NRP2: variants seen among roughly 807,000 people sequenced by gnomAD.
NRP2 encodes neuropilin 2, also known as neuropilin-2.
In NRP2, 52 loss-of-function variants were observed where a neutral mutation model predicts 110.4. The observed-to-expected ratio is 0.47, with a 90% CI of 0.38 to 0.59. The LOEUF (loss-of-function observed/expected upper bound fraction) is 0.59, where lower values mean the gene tolerates loss of function less well. NRP2 is among the 20% of genes least tolerant of loss of function. NRP2 has a pLI of 0.00. For missense variants in NRP2, 1,049 were observed against 1,203.0 expected (o/e 0.87, Z 1.89); for synonymous variants, 508 against 468.9 (o/e 1.08, Z -1.08).
chr2:205,732,051 G>T (rs1460984691), intron 7 of NRP2, among the ~76,000 whole-genome samples: 1 of 152,164 alleles, frequency 6.6e-6, no homozygotes, highest in Non-Finnish European at 1.5e-5. Context: ...TCCACAATCC[G>T]CCCTAGGCCT....
At position 205,749,799 on chromosome 2, in the gene NRP2, G is replaced by C. The variant is rs746233197; in HGVS notation, c.1861G>C (p.Glu621Gln). The change falls in exon 11 of 17, where the codon GAG becomes CAG. Residue 621 changes from glutamate (E) to glutamine (Q), a missense_variant. By Grantham distance (29) the Glu-to-Gln change is conservative. Transcript: ENST00000357785. The stretch of plus-strand genomic sequence containing the variant: ...GACAACCACCCCCTACCCCACCGAA[G>C]AGGAGGCCACAGAGTGTGGGGAGAA... ...EETTTPYPTE[E>Q]EATECGENCS... 6.2e-7 allele frequency: 1 copy of C among 1,614,200 alleles called. No homozygotes were observed. The highest frequency in any genetic ancestry group is 8.5e-7 in the Non-Finnish European group (1 of 1,180,022).
At chr2:205,773,872 A>T (rs2058059334) in intron 15 of NRP2, among the ~76,000 whole-genome samples, 1 of 152,168 alleles carries the variant, frequency 6.6e-6, no homozygotes, top group Non-Finnish European at 1.5e-5. Flanking sequence ...CTGCTTGACA[A>T]AAATTTCTGC....
At chr2:205,757,897 C>CT (rs34092110) in intron 12 of NRP2, among the ~76,000 whole-genome samples, 39 of 148,520 alleles carry the variant, frequency 2.6e-4, no homozygotes, top group South Asian at 8.6e-4. Flanking sequence ...TTTCTTTACC[C>CT]TTTTTTTTTT....
chr2:205,719,473 C>CA (rs57461603), intron 3 of NRP2, among the ~76,000 whole-genome samples: 4,727 of 93,354 alleles, frequency 0.051, 145 homozygotes, highest in African/African-American at 0.12. Flanking sequence ...AGAACAGAAA[C>CA]AAAAAAAAAA....
intron 2 of NRP2, among the ~76,000 whole-genome samples, chr2:205,715,343 C>T (rs2056873221): frequency 6.6e-6 from 1 of 152,214 alleles, no homozygotes; most frequent in Admixed American, 6.5e-5. Context: ...CAGTTTGACT[C>T]TGCTTCAAAT....
At chr2:205,722,918 G>A (rs1177033944) in intron 4 of NRP2, among the ~76,000 whole-genome samples, 1 of 152,184 alleles carries the variant, frequency 6.6e-6, no homozygotes, top group Non-Finnish European at 1.5e-5. Flanking sequence ...CTTTAGAAAA[G>A]GATAGGAGAC....
intron 3 of NRP2, among the ~76,000 whole-genome samples, chr2:205,719,037 A>G (rs570089222): frequency 2.0e-3 from 302 of 152,304 alleles, no homozygotes; most frequent in African/African-American, 6.6e-3. Flanking sequence ...GCATTCATGC[A>G]GGTGCCTTGT....
intron 2 of NRP2, among the ~76,000 whole-genome samples, chr2:205,699,371 G>GGTCTAAGC: frequency 6.6e-6 from 1 of 152,274 alleles, no homozygotes; most frequent in South Asian, 2.1e-4. Context: ...AGAGAGCCTG[G>GGTCTAAGC]GTCTAAGCTC....
chr2:205,708,863 A>C (rs2056740674), intron 2 of NRP2, among the ~76,000 whole-genome samples: 1 of 152,220 alleles, frequency 6.6e-6, no homozygotes, highest in Admixed American at 6.5e-5. Flanking sequence ...AAGAAAATAC[A>C]ACTGCAAACA....
At chr2:205,794,612 G>A (rs1159407122) in intron 16 of NRP2, 142 bp from the exon 17 acceptor site, 2 of 853,408 alleles carry the variant, frequency 2.3e-6, no homozygotes, top group Non-Finnish European at 3.9e-6. Context: ...GGCCAGGCTG[G>A]GCTTTGAACC....
chr2:205,712,202 A>T (rs1016798713), intron 2 of NRP2, among the ~76,000 whole-genome samples: 3 of 152,184 alleles, frequency 2.0e-5, no homozygotes, highest in African/African-American at 4.8e-5. Flanking sequence ...TTTAGAGAGA[A>T]AATAAAGAAC....
At chr2:205,703,693 A>G (rs79456749) in intron 2 of NRP2, among the ~76,000 whole-genome samples, 1,667 of 152,268 alleles carry the variant, frequency 0.011, 27 homozygotes, top group African/African-American at 0.038. Context: ...TACGAATTCT[A>G]AAGAATTTGG....
chr2:205,695,710 G>C (rs1335746107), intron 1 of NRP2, among the ~76,000 whole-genome samples: 3 of 152,174 alleles, frequency 2.0e-5, no homozygotes, highest in Non-Finnish European at 4.4e-5. Context: ...AGTTGAGTAA[G>C]AGCAGCTGGT....
chr2:205,683,573 T>C (rs1420063604), intron 1 of NRP2, among the ~76,000 whole-genome samples: 3 of 151,912 alleles, frequency 2.0e-5, no homozygotes, highest in African/African-American at 4.8e-5. Flanking sequence ...TGTGTGTGTG[T>C]GTGTGTGTGT....
intron 15 of NRP2, among the ~76,000 whole-genome samples, chr2:205,772,887 C>G (rs1349100848): frequency 6.6e-6 from 1 of 152,238 alleles, no homozygotes; most frequent in Admixed American, 6.5e-5. Context: ...GCCACATGAG[C>G]TAGCAAAATC....
intron 15 of NRP2, among the ~76,000 whole-genome samples, chr2:205,790,372 AT>A (rs2058285705): frequency 6.6e-6 from 1 of 152,200 alleles, no homozygotes; most frequent in Non-Finnish European, 1.5e-5. Flanking sequence ...CCAGTGATCT[AT>A]GGTATCCTAA....
At position 205,795,036 on chromosome 2, in the gene NRP2, A is replaced by G; in HGVS notation, c.2759A>G (p.Gln920Arg). 6.2e-7 allele frequency: 1 copy of G among 1,614,162 alleles called. No homozygotes were observed. Among genetic ancestry groups the G allele is most frequent in the Non-Finnish European group, 8.5e-7 (1 of 1,180,016 alleles). Residue 920 changes from glutamine (Q) to arginine (R), a missense_variant, in exon 17 of 17, where the codon CAA (glutamine) becomes CGA (arginine). Physicochemically the swap from Gln to Arg is conservative, Grantham distance 43. Coordinates refer to ENST00000357785, the MANE Select transcript of NRP2 (RefSeq NM_003872.3). ...AAGCACAAGGTCAAGATGAACCACC[A>G]AAAGTGCTGCTCCGAGGCATGACGG... ...GLKHKVKMNHQKCCSEA is the reference protein window; with the variant it reads ...GLKHKVKMNHRKCCSEA
rs760533225 is a variant in NRP2 at position 205,725,474 on chromosome 2, G to C, written c.821-439G>C. ...CTGTGCCAGAACTCACAAGACAGTTGAGTGAAAAAAGAAAGAAGCAAAAGT... is the reference window on the plus strand; with the variant it reads ...CTGTGCCAGAACTCACAAGACAGTTCAGTGAAAAAAGAAAGAAGCAAAAGT... On this transcript the variant is annotated intron_variant, in intron 5 of 16. Transcript: ENST00000357785. The surrounding 1 kb of genome is among the most constrained non-coding windows in gnomAD (Gnocchi z 4.1). Among the ~76,000 whole-genome samples, 1 of 152,112 alleles carries C rather than the reference G, an allele frequency of 6.6e-6. No homozygotes were observed. Among genetic ancestry groups the C allele is most frequent in the Non-Finnish European group, 1.5e-5 (1 of 68,020 alleles).
Position 205,725,189 on chromosome 2 carries a change from A to G in NRP2, c.821-724A>G, listed in dbSNP as rs1336576050. Among the ~76,000 whole-genome samples the G allele has an allele frequency of 6.6e-6, 1 of 152,208 alleles. No individual in the cohort carries two copies. Among genetic ancestry groups the G allele is most frequent in the Non-Finnish European group, 1.5e-5 (1 of 68,036 alleles). On this transcript the variant is annotated intron_variant, in intron 5 of 16. Coordinates refer to ENST00000357785, the MANE Select transcript of NRP2 (RefSeq NM_003872.3). The surrounding 1 kb of genome is among the most constrained non-coding windows in gnomAD (Gnocchi z 4.1). ...ATTGCACCAGGTCCCGTGAATGGTC[A>G]GTGCAGTCACAGAGTAAAGAATAGG...
Sources: gnomAD v4.1 joint callset for allele counts (sites outside exome capture counted in the v4.1 genomes callset) on GRCh38, gnomAD v4.1.1 for gene constraint, Gnocchi (gnomAD v3.1) non-coding constraint, MANE v1.5 for transcripts, NCBI Gene and HGNC (gene_info 2026-07-23, HGNC 2026-07-21) for gene names.